Variants in TSBP1 observed in about 807,000 individuals in gnomAD.
TSBP1 encodes testis expressed basic protein 1.
In TSBP1, 56 loss-of-function variants were observed where a neutral mutation model predicts 68.8. That is an observed-to-expected ratio of 0.81 (90% CI 0.66 to 1.02). The LOEUF is 1.02. TSBP1 is among the 50% of genes least tolerant of loss of function. TSBP1 has a pLI of 0.00. For missense variants in TSBP1, 502 were observed against 641.2 expected, an observed-to-expected ratio of 0.78 and a Z score of 2.34; for synonymous variants, 171 against 208.7, an observed-to-expected ratio of 0.82 and a Z score of 1.56.
chr6:32,323,897 T>C, intron 16 of TSBP1: 1 of 455,610 alleles, frequency 2.2e-6, no homozygotes, highest in Non-Finnish European at 3.9e-6. Flanking sequence ...AATCCTACGG[T>C]GGTGAAAACA....
chr6:32,330,165 C>T (rs1364735317), intron 16 of TSBP1, among the ~76,000 whole-genome samples: 3 of 152,122 alleles, frequency 2.0e-5, no homozygotes, highest in African/African-American at 7.2e-5. Flanking sequence ...CATAGTATTT[C>T]CTGTTAAATT....
chr6:32,346,011 T>TCCTCATCTTAAGGA (rs1268210715), intron 9 of TSBP1, among the ~76,000 whole-genome samples: 3 of 48,540 alleles, frequency 6.2e-5, no homozygotes, highest in South Asian at 1.3e-3. Flanking sequence ...TCATTTTTTT[T>TCCTCATCTTAAGGA]TTTTTTTTTT....
In TSBP1 at chr6:32,371,617, AAAGTCCCT is replaced by A. The variant is rs568638760; in HGVS notation, c.13+69_13+76del. 7,565 of 1,028,596 alleles carry A rather than the reference AAAGTCCCT, an allele frequency of 7.4e-3. 156 individuals carry two copies. The highest frequency in any genetic ancestry group is 0.041 in the African/African-American group (2,575 of 63,550). The allele number at this position is 1,028,596 out of a possible 1,614,324, so 63.7% of individuals were successfully genotyped here. A position where few individuals can be genotyped will look rare whatever the true frequency, so the allele number is the denominator to read the frequency against. ...GCAAGGAAGATAAAGCAGTTGTGTT[AAAGTCCCT>A]AAGTCCCTAAGAGGAGACTCCTGAA... On this transcript the variant is annotated intron_variant, in intron 1 of 22. Transcript: ENST00000612031.
At chr6:32,370,698 G>T (rs1426844563) in intron 1 of TSBP1, among the ~76,000 whole-genome samples, 1 of 151,986 alleles carries the variant, frequency 6.6e-6, no homozygotes, top group Non-Finnish European at 1.5e-5. Context: ...GATAAAATAT[G>T]CTGGGATTGC....
intron 19 of TSBP1, among the ~76,000 whole-genome samples, chr6:32,311,890 A>G (rs1444319558): frequency 6.6e-6 from 1 of 152,180 alleles, no homozygotes; most frequent in Non-Finnish European, 1.5e-5. Flanking sequence ...GGAGAGAGAC[A>G]GTAGTGCAGA....
intron 1 of TSBP1, among the ~76,000 whole-genome samples, chr6:32,371,084 G>A (rs1774367421): frequency 6.6e-6 from 1 of 151,268 alleles, no homozygotes; most frequent in East Asian, 1.9e-4. Flanking sequence ...TTGGTCCTGT[G>A]AGAAAATTCT....
At position 32,343,309 on chromosome 6, in the gene TSBP1, T is replaced by A; in HGVS notation, c.350-3671A>T. ...GTCAGTCTAAAGTTTCAATAATCCA[T>A]CAATTTCCCAAAAGTCTTCCCAGAA... On this transcript the variant is annotated intron_variant, in intron 9 of 22. Coordinates refer to ENST00000612031, the Ensembl canonical transcript of TSBP1. The surrounding 1 kb of genome is among the most constrained non-coding windows in gnomAD (Gnocchi z 4.3). 1 of 1,204,146 alleles carries A rather than the reference T, an allele frequency of 8.3e-7. No homozygotes were observed. The highest frequency in any genetic ancestry group is 1.1e-6 in the Non-Finnish European group (1 of 908,748). The allele number at this position is 1,204,146 out of a possible 1,614,324, so 74.6% of individuals were successfully genotyped here.
intron 8 of TSBP1, among the ~76,000 whole-genome samples, chr6:32,354,350 C>G (rs772359415): frequency 6.6e-6 from 1 of 151,886 alleles, no homozygotes; most frequent in African/African-American, 2.4e-5. Flanking sequence ...CAGGAGTGAG[C>G]AGGGAATGCA....
chr6:32,307,588 ATT>A (rs1055705775), intron 19 of TSBP1, among the ~76,000 whole-genome samples: 1 of 144,328 alleles, frequency 6.9e-6, no homozygotes, highest in Non-Finnish European at 1.5e-5. Flanking sequence ...AGCCTTACTA[ATT>A]TTTGTCTGTT....
chr6:32,327,070 T>A (rs1034702416), intron 16 of TSBP1, among the ~76,000 whole-genome samples: 15 of 152,212 alleles, frequency 9.9e-5, no homozygotes, highest in African/African-American at 2.9e-4. Context: ...AAACTTTGGG[T>A]AGTTTCCGAA....
chr6:32,308,324 T>A (rs1765977750), intron 19 of TSBP1, among the ~76,000 whole-genome samples: 1 of 151,918 alleles, frequency 6.6e-6, no homozygotes, highest in African/African-American at 2.4e-5. Context: ...TTTAAAAAAA[T>A]TTGCTTTTTC....
chr6:32,308,597 C>CA (rs9279570), intron 19 of TSBP1, among the ~76,000 whole-genome samples: 8,580 of 108,448 alleles, frequency 0.079, 435 homozygotes, highest in Non-Finnish European at 0.087. Context: ...GACTCCGTCT[C>CA]AAAAAAAAAA....
rs900340047 is a variant in TSBP1 at position 32,316,873 on chromosome 6, C to T, written c.560-1081G>A. The stretch of plus-strand genomic sequence containing the variant: ...CAGCACTTTGGGAGGTCGAGGCAGG[C>T]GGATCACGAGGTCAGGAGATCAAGA... On this transcript the variant is annotated intron_variant, in intron 18 of 22. Transcript: ENST00000612031. The surrounding 1 kb of genome is among the most constrained non-coding windows in gnomAD (Gnocchi z 4.5). Among the ~76,000 whole-genome samples the T allele has an allele frequency of 6.6e-5, 10 of 151,884 alleles. No individual in the cohort carries two copies. The highest frequency in any genetic ancestry group is 3.9e-4 in the Admixed American group (6 of 15,244).
chr6:32,364,412 G>A (rs1473921888), intron 6 of TSBP1, among the ~76,000 whole-genome samples: 1 of 122,468 alleles, frequency 8.2e-6, no homozygotes, highest in Non-Finnish European at 1.6e-5. Flanking sequence ...TCTTTTCTTT[G>A]TGGTTTTTTT....
Position 32,321,928 on chromosome 6 carries a change from TG to T in TSBP1, c.559+1188del, listed in dbSNP as rs1226228711. ...TGAATTCTTGCATGAAGAGGTTGGC[TG>T]GAGCAGGCAGCAGCTACCCTCTTCA... On this transcript the variant is annotated intron_variant, in intron 18 of 22. Transcript: ENST00000612031. The surrounding 1 kb of genome is among the most constrained non-coding windows in gnomAD (Gnocchi z 4.3). Among the ~76,000 whole-genome samples the T allele has an allele frequency of 1.3e-5, 2 of 152,226 alleles. No individual in the cohort carries two copies. Among genetic ancestry groups the T allele is most frequent in the African/African-American group, 4.8e-5 (2 of 41,466 alleles).
chr6:32,365,169 G>A lies in TSBP1; in HGVS notation c.217+998C>T, dbSNP rs1773544179. On this transcript the variant is annotated intron_variant, in intron 6 of 22. Coordinates refer to ENST00000612031, the Ensembl canonical transcript of TSBP1. This position sits in a 1 kb window ranked among gnomAD's most constrained non-coding sequence, Gnocchi z 4.3. ...GGCCTCCCAAAGTGCTGGGATTTCA[G>A]GCATGAACTACCACACCCAGGGTAG... Among the ~76,000 whole-genome samples, 1 of 152,012 alleles carries A rather than the reference G, an allele frequency of 6.6e-6. No individual in the cohort carries two copies. Among genetic ancestry groups the A allele is most frequent in the Non-Finnish European group, 1.5e-5 (1 of 68,018 alleles).
intron 7 of TSBP1, 101 bp from the exon 8 acceptor site, chr6:32,355,245 A>T: frequency 8.2e-7 from 1 of 1,225,148 alleles, no homozygotes; most frequent in Non-Finnish European, 1.2e-6. Flanking sequence ...CTCAGGAGTT[A>T]AAGTCTAGGC....
chr6:32,323,486 C>A (rs769668758), intron 17 of TSBP1, 105 bp downstream of exon 18: 1 of 1,052,470 alleles, frequency 9.5e-7, no homozygotes, highest in Non-Finnish European at 1.4e-6. Context: ...AGTCAGGTAG[C>A]TGCACACAGA....
intron 19 of TSBP1, among the ~76,000 whole-genome samples, chr6:32,313,642 G>T (rs1000839670): frequency 2.6e-5 from 4 of 151,452 alleles, no homozygotes; most frequent in Non-Finnish European, 4.4e-5. Context: ...TTCCTTGGGG[G>T]CTATCTTTCA....
Sources: allele counts gnomAD v4.1 joint callset (sites outside exome capture counted in the v4.1 genomes callset), GRCh38; gene constraint gnomAD v4.1.1; non-coding constraint Gnocchi (gnomAD v3.1); transcripts MANE v1.5; gene names NCBI Gene and HGNC (gene_info 2026-07-23, HGNC 2026-07-21).